APLF: variants seen among roughly 807,000 people sequenced by gnomAD.
The protein encoded by APLF is aprataxin and PNK-like factor.
A neutral mutation model predicts 55.6 loss-of-function variants in APLF; 61 were observed. The ratio of observed to expected loss-of-function variants is 1.10; its 90% CI spans 0.89 to 1.36. The LOEUF is 1.36. APLF is among the 40% of genes most tolerant of loss of function. The pLI is 0.00. For missense variants in APLF, 611 were observed against 602.5 expected, an observed-to-expected ratio of 1.01 and a Z score of -0.15; for synonymous variants, 207 against 214.8, an observed-to-expected ratio of 0.96 and a Z score of 0.32.
At chr2:68,565,714 T>C (rs1469277242) in intron 8 of APLF, among the ~76,000 whole-genome samples, 1 of 152,132 alleles carries the variant, frequency 6.6e-6, no homozygotes, top group Non-Finnish European at 1.5e-5. Flanking sequence ...AAAAATGCAA[T>C]ATTTTTAAAG....
At position 68,535,793 on chromosome 2, in the gene APLF, A is replaced by G. The variant is rs567040234; in HGVS notation, c.805-2079A>G. On this transcript the variant is annotated intron_variant, in intron 6 of 9. Transcript: ENST00000303795. ...GGTATGAAAAGCGATTGCCATCCCA[A>G]CCCCCTAGGCTTGATACAAAGGGAA... Among the ~76,000 whole-genome samples, 3 of 152,060 alleles carry G rather than the reference A, an allele frequency of 2.0e-5. No homozygotes were observed. In the East Asian group the frequency reaches 5.8e-4, roughly 29 times the overall value.
At chr2:68,560,923 G>T (rs149187950) in intron 8 of APLF, among the ~76,000 whole-genome samples, 1 of 152,074 alleles carries the variant, frequency 6.6e-6, no homozygotes, top group African/African-American at 2.4e-5. Context: ...CATGCAAAAG[G>T]TATTTTGCCT....
intron 8 of APLF, among the ~76,000 whole-genome samples, chr2:68,556,831 A>T (rs1026564562): frequency 6.6e-6 from 1 of 152,212 alleles, no homozygotes; most frequent in Admixed American, 6.6e-5. Context: ...GAGGTGTGTC[A>T]GTTATCAACT....
At position 68,513,067 on chromosome 2, in the gene APLF, T is replaced by A; in HGVS notation, c.342-13T>A. 5 of 1,589,526 alleles carry A rather than the reference T, an allele frequency of 3.1e-6. No individual in the cohort carries two copies. Among genetic ancestry groups the A allele is most frequent in the Non-Finnish European group, 4.3e-6 (5 of 1,167,436 alleles). ...ATTTAAAATTAAAGACCAGTTTCTA[T>A]TTTATCTTATAGAAACAGTCAAGTG... On this transcript the variant is annotated splice_polypyrimidine_tract_variant and intron_variant, in intron 3 of 9. Coordinates refer to ENST00000303795, the MANE Select transcript of APLF (RefSeq NM_173545.3).
intron 3 of APLF, 40 bp downstream of exon 3, chr2:68,502,943 A>T (rs1248091063): frequency 2.6e-6 from 4 of 1,564,526 alleles, no homozygotes; most frequent in Non-Finnish European, 3.5e-6. Flanking sequence ...TGTTATTTTT[A>T]ATCTAATTCC....
At chr2:68,481,753 G>T (rs867457163) in intron 1 of APLF, among the ~76,000 whole-genome samples, 15 of 151,786 alleles carry the variant, frequency 9.9e-5, no homozygotes, top group Admixed American at 5.9e-4. Context: ...ATATTTGTTC[G>T]CTTAATGTTG....
intron 2 of APLF, among the ~76,000 whole-genome samples, chr2:68,490,861 G>A (rs1216338188): frequency 1.3e-5 from 2 of 152,148 alleles, no homozygotes; most frequent in African/African-American, 4.8e-5. Context: ...TATTGTGTAA[G>A]AGAATGAAAT....
chr2:68,481,404 T>G (rs1675953877), intron 1 of APLF, among the ~76,000 whole-genome samples: 1 of 152,142 alleles, frequency 6.6e-6, no homozygotes. Context: ...TTGTTTGTTT[T>G]TTCCTTTCAG....
rs902925710 is a variant in APLF at position 68,471,914 on chromosome 2, G to T, written c.96+4087G>T. On this transcript the variant is annotated intron_variant, in intron 1 of 9. Transcript: ENST00000303795. Reference sequence around the variant, plus strand: ...AGAGCATGTTCCCAAGATGGTCAGGGTACAGCTTGGTTTTTATATATTTTA... The same window carrying T: ...AGAGCATGTTCCCAAGATGGTCAGGTTACAGCTTGGTTTTTATATATTTTA... Among the ~76,000 whole-genome samples, 3 of 152,104 alleles carry T rather than the reference G, an allele frequency of 2.0e-5. No homozygotes were observed. The South Asian group carries it at 6.2e-4, about 32-fold the overall frequency.
chr2:68,469,252 C>G (rs932072951), intron 1 of APLF, among the ~76,000 whole-genome samples: 1 of 152,072 alleles, frequency 6.6e-6, no homozygotes, highest in Non-Finnish European at 1.5e-5. Flanking sequence ...TGTGCTTAAT[C>G]TAGTAATCAT....
chr2:68,497,789 T>C (rs1024079632), intron 2 of APLF, among the ~76,000 whole-genome samples: 1 of 151,986 alleles, frequency 6.6e-6, no homozygotes, highest in Non-Finnish European at 1.5e-5. Context: ...CAATTCACCA[T>C]GAGATTTGGG....
At chr2:68,502,630 T>C (rs1390329350) in intron 2 of APLF, 101 bp from the exon 3 acceptor site, 3 of 797,576 alleles carry the variant, frequency 3.8e-6, no homozygotes, top group Non-Finnish European at 5.1e-6. Flanking sequence ...ACCAAAATTA[T>C]GAATTCATAT....
intron 3 of APLF, among the ~76,000 whole-genome samples, chr2:68,505,360 T>G (rs1045062848): frequency 1.3e-5 from 2 of 152,116 alleles, no homozygotes; most frequent in African/African-American, 4.8e-5. Context: ...AGCTATTATA[T>G]GTCTATTTAA....
chr2:68,498,237 A>G (rs770465706), intron 2 of APLF, among the ~76,000 whole-genome samples: 1 of 152,238 alleles, frequency 6.6e-6, no homozygotes, highest in Non-Finnish European at 1.5e-5. Context: ...CAAGTTATCT[A>G]TACAAGTGTA....
In APLF at chr2:68,567,357, A is replaced by G; in HGVS notation, c.1303A>G (p.Lys435Glu). 1 of 1,606,082 alleles carries G rather than the reference A, an allele frequency of 6.2e-7. No individual in the cohort carries two copies. Residue 435 changes from lysine to glutamate, a missense_variant, in exon 9 of 10, where the codon AAG becomes GAG. By Grantham distance (56) the Lys-to-Glu change is moderately conservative. Transcript: ENST00000303795. ...TTCTTTCAGGAAGAATCCCCAGCAC[A>G]AGATAGAATATAGACATAATACGCT... Reference protein sequence around the residue: ...PSCYRKNPQHKIEYRHNTLPV... With the variant: ...PSCYRKNPQHEIEYRHNTLPV...
chr2:68,565,216 A>T (rs926732260), intron 8 of APLF, among the ~76,000 whole-genome samples: 3 of 151,934 alleles, frequency 2.0e-5, no homozygotes, highest in African/African-American at 7.3e-5. Context: ...AAGCAATAAC[A>T]CTCTATTTTT....
intron 7 of APLF, among the ~76,000 whole-genome samples, chr2:68,538,731 G>T (rs1670472229): frequency 7.4e-6 from 1 of 135,454 alleles, no homozygotes; most frequent in Non-Finnish European, 1.7e-5. Context: ...TATTTACACT[G>T]CCCTATATAC....
At chr2:68,470,997 A>G (rs1241330298) in intron 1 of APLF, among the ~76,000 whole-genome samples, 1 of 152,200 alleles carries the variant, frequency 6.6e-6, no homozygotes, top group Non-Finnish European at 1.5e-5. Flanking sequence ...GCTGTCCTGG[A>G]ATGCTGTTCC....
chr2:68,471,099 C>G (rs1174635807), intron 1 of APLF, among the ~76,000 whole-genome samples: 1 of 152,178 alleles, frequency 6.6e-6, no homozygotes, highest in Non-Finnish European at 1.5e-5. Flanking sequence ...CAACCAGTGC[C>G]TAGCACACAG....
Sources: gnomAD v4.1 joint callset for allele counts (sites outside exome capture counted in the v4.1 genomes callset) on GRCh38, gnomAD v4.1.1 for gene constraint, MANE v1.5 for transcripts, NCBI Gene and HGNC (gene_info 2026-07-23, HGNC 2026-07-21) for gene names.